The following FAR1 variants were observed in gnomAD, a reference collection of about 807,000 sequenced individuals.
FAR1 encodes male sterility domain-containing protein 2.
In FAR1, 22 loss-of-function variants were observed where a neutral mutation model predicts 61.1. That is an observed-to-expected ratio of 0.36 (90% CI 0.26 to 0.51). The LOEUF (loss-of-function observed/expected upper bound fraction) is 0.51. FAR1 is among the 20% of genes least tolerant of loss of function. The probability of loss-of-function intolerance (pLI) is 0.95; values close to 1 mark genes in which losing one functional copy is unlikely to be tolerated. For missense variants in FAR1, 359 were observed against 626.9 expected (o/e 0.57, Z 4.56); for synonymous variants, 206 against 209.7 (o/e 0.98, Z 0.15).
intron 1 of FAR1, among the ~76,000 whole-genome samples, chr11:13,675,110 CAT>C (rs1042573775): frequency 4.7e-5 from 7 of 148,202 alleles, no homozygotes; most frequent in Non-Finnish European, 5.9e-5. Flanking sequence ...TAATAATAGA[CAT>C]GTTAATCCAA....
chr11:13,722,872 A>C (rs1848626940), intron 10 of FAR1, among the ~76,000 whole-genome samples: 1 of 149,500 alleles, frequency 6.7e-6, no homozygotes. Context: ...ATATATATAT[A>C]TATATAAAAT....
At chr11:13,718,815 G>A (rs1848580078) in intron 9 of FAR1, among the ~76,000 whole-genome samples, 1 of 152,110 alleles carries the variant, frequency 6.6e-6, no homozygotes, top group East Asian at 1.9e-4. Flanking sequence ...TGCTGTGGAG[G>A]GAGTGGTAAA....
chr11:13,698,313 TATG>T (rs1290399464), intron 2 of FAR1, among the ~76,000 whole-genome samples: 1 of 152,166 alleles, frequency 6.6e-6, no homozygotes, highest in East Asian at 1.9e-4. Context: ...GCAAAATAGA[TATG>T]GACCCTACCC....
chr11:13,719,117 G>C (rs1300081031), intron 9 of FAR1, among the ~76,000 whole-genome samples: 2 of 152,168 alleles, frequency 1.3e-5, no homozygotes, highest in African/African-American at 4.8e-5. Flanking sequence ...TGAGAAGACA[G>C]TCAAGGTGAC....
chr11:13,708,447 G>GCACA (rs61253307), intron 4 of FAR1, among the ~76,000 whole-genome samples: 2,487 of 136,660 alleles, frequency 0.018, 52 homozygotes, highest in African/African-American at 0.048. Flanking sequence ...GCGCGCGCGC[G>GCACA]CACACACACA....
chr11:13,714,404 G>T, intron 8 of FAR1, 105 bp from the exon 9 acceptor site: 3 of 1,156,706 alleles, frequency 2.6e-6, no homozygotes, highest in Non-Finnish European at 2.4e-6. Context: ...TACGAACTCT[G>T]ACATCTTTGG....
intron 1 of FAR1, 96 bp from the exon 2 acceptor site, chr11:13,694,663 C>T: frequency 9.1e-7 from 1 of 1,104,238 alleles, no homozygotes; most frequent in Non-Finnish European, 1.3e-6. Context: ...CTTTTGTCTG[C>T]TTTTTAAAAT....
intron 1 of FAR1, among the ~76,000 whole-genome samples, chr11:13,673,035 A>G (rs1354611156): frequency 6.6e-6 from 1 of 152,240 alleles, no homozygotes; most frequent in Non-Finnish European, 1.5e-5. Context: ...CAGTAAGACA[A>G]AATGGAAGTG....
Position 13,708,214 on chromosome 11 carries a change from A to T in FAR1, c.545+135A>T, listed in dbSNP as rs988467644. 1.5e-4 allele frequency: 81 copies of T among 523,610 alleles called. 1 individual carries two copies. The Admixed American group carries it at 2.3e-3, about 15-fold the overall frequency. 32.4% of individuals were successfully genotyped at this position (523,610 alleles called of 1,614,324 possible). ...CCATCTCACTAAAAATACGAAAAAA[A>T]TTAGCCAGGCATGGTGGCAGGCGCC... On this transcript the variant is annotated intron_variant, in intron 4 of 11. Transcript: ENST00000354817.
rs1266265061 is a variant in FAR1, at chr11:13,730,472, T to C, written c.*1698T>C. The C allele has an allele frequency of 2.0e-5, 3 of 152,268 alleles. No homozygotes were observed. Among genetic ancestry groups the C allele is most frequent in the African/African-American group, 7.2e-5 (3 of 41,432 alleles). 9.4% of individuals were successfully genotyped at this position (152,268 alleles called of 1,614,324 possible). On this transcript the variant is annotated 3_prime_UTR_variant, in exon 12 of 12. Coordinates refer to ENST00000354817, the MANE Select transcript of FAR1 (RefSeq NM_032228.6). ...GTCTCTGGTCTAGGACCATACCTTA[T>C]ATAAAGGTATAAGAGACCATGACAA...
chr11:13,707,755 A>G, intron 3 of FAR1, 145 bp from the exon 4 acceptor site: 1 of 478,774 alleles, frequency 2.1e-6, no homozygotes, highest in Non-Finnish European at 3.4e-6. Flanking sequence ...ATGGAAATAA[A>G]ATACACAAAA....
At position 13,730,071 on chromosome 11, in the gene FAR1, CTGTTT is replaced by C. The variant is rs886183903; in HGVS notation, c.*1299_*1303del. ...TAATCATAATAGTTAACTCTACTTA[CTGTTT>C]TAACATACATTTGATTTAACAAATT... On this transcript the variant is annotated 3_prime_UTR_variant, in exon 12 of 12. Coordinates refer to ENST00000354817, the MANE Select transcript of FAR1 (RefSeq NM_032228.6). 6.6e-6 allele frequency: 1 copy of C among 152,374 alleles called. No individual in the cohort carries two copies. Among genetic ancestry groups the C allele is most frequent in the African/African-American group, 2.4e-5 (1 of 41,436 alleles). 9.4% of individuals were successfully genotyped at this position (152,374 alleles called of 1,614,324 possible).
At chr11:13,679,009 G>C (rs1848097750) in intron 1 of FAR1, among the ~76,000 whole-genome samples, 1 of 152,094 alleles carries the variant, frequency 6.6e-6, no homozygotes, top group Non-Finnish European at 1.5e-5. Context: ...GTAGTGTTCA[G>C]GGTAAATATG....
At position 13,729,706 on chromosome 11, in the gene FAR1, C is replaced by T. The variant is rs1848703555; in HGVS notation, c.*932C>T. 1.3e-5 allele frequency: 2 copies of T among 151,920 alleles called. No individual in the cohort carries two copies. The highest frequency in any genetic ancestry group is 1.3e-4 in the Admixed American group (2 of 15,228). 9.4% of individuals were successfully genotyped at this position (151,920 alleles called of 1,614,324 possible). A position where few individuals can be genotyped will look rare whatever the true frequency, so the allele number is the denominator to read the frequency against. ...TCATAGGACTTTTAAAAGGCTTGTG[C>T]TATCTTTCCAGTGAAAACTGAAAGT... On this transcript the variant is annotated 3_prime_UTR_variant, in exon 12 of 12. Transcript: ENST00000354817.
chr11:13,673,188 C>G (rs1289237014), intron 1 of FAR1, among the ~76,000 whole-genome samples: 1 of 152,158 alleles, frequency 6.6e-6, no homozygotes, highest in Non-Finnish European at 1.5e-5. Flanking sequence ...AGGATTTGCC[C>G]TAGGATCAGT....
Position 13,714,603 on chromosome 11 carries a change from T to C in FAR1, c.1050T>C (p.His350=). 6.2e-7 allele frequency: 1 copy of C among 1,613,660 alleles called. No individual in the cohort carries two copies. The highest frequency in any genetic ancestry group is 8.5e-7 in the Non-Finnish European group (1 of 1,179,712). ...TAACCTCCAATCATCTTTTATATCA[T>C]TACTGGATTGCTGTAAGCCATAAGG... ...VNLTSNHLLY[H]YWIAVSHKAP... is the part of the protein sequence containing the mutation. Residue 350 remains histidine (H), a synonymous_variant, in exon 9 of 12, where the codon CAT becomes CAC. Coordinates refer to ENST00000354817, the MANE Select transcript of FAR1 (RefSeq NM_032228.6).
In FAR1 at chr11:13,729,732, G is replaced by A. The variant is rs763462269; in HGVS notation, c.*958G>A. 1 of 151,958 alleles carries A rather than the reference G, an allele frequency of 6.6e-6. No homozygotes were observed. Among genetic ancestry groups the A allele is most frequent in the Non-Finnish European group, 1.5e-5 (1 of 67,868 alleles). 9.4% of individuals were successfully genotyped at this position (151,958 alleles called of 1,614,324 possible). On this transcript the variant is annotated 3_prime_UTR_variant, in exon 12 of 12. Transcript: ENST00000354817. ...TATCTTTCCAGTGAAAACTGAAAGTGCATTATTATGGAAGAATGTATTTGC... is the reference window on the plus strand; with the variant it reads ...TATCTTTCCAGTGAAAACTGAAAGTACATTATTATGGAAGAATGTATTTGC...
rs1848711180 is a variant in FAR1 at position 13,730,376 on chromosome 11, A to T, written c.*1602A>T. ...ATGTTGAAGCCAGATTTTCTGTAGTAAAACTTTTAAATATTATTTTAAAAG... is the reference window on the plus strand; with the variant it reads ...ATGTTGAAGCCAGATTTTCTGTAGTTAAACTTTTAAATATTATTTTAAAAG... On this transcript the variant is annotated 3_prime_UTR_variant, in exon 12 of 12. Transcript: ENST00000354817. 6.6e-6 allele frequency: 1 copy of T among 152,444 alleles called. No individual in the cohort carries two copies. The highest frequency in any genetic ancestry group is 1.5e-5 in the Non-Finnish European group (1 of 67,918). The allele number at this position is 152,444 out of a possible 1,614,324, so 9.4% of individuals were successfully genotyped here. A position where few individuals can be genotyped will look rare whatever the true frequency, so the allele number is the denominator to read the frequency against.
chr11:13,674,498 A>C (rs1218991103), intron 1 of FAR1, among the ~76,000 whole-genome samples: 3 of 152,126 alleles, frequency 2.0e-5, no homozygotes, highest in Non-Finnish European at 4.4e-5. Flanking sequence ...TCTTCCTTGA[A>C]TAGGTTGTAT....
Sources: allele counts gnomAD v4.1 joint callset (sites outside exome capture counted in the v4.1 genomes callset), GRCh38; gene constraint gnomAD v4.1.1; transcripts MANE v1.5; gene names NCBI Gene and HGNC (gene_info 2026-07-23, HGNC 2026-07-21).